SLC38A11: variants seen among roughly 807,000 people sequenced by gnomAD.
SLC38A11 encodes putative sodium-coupled neutral amino acid transporter 11.
A neutral mutation model predicts 49.4 loss-of-function variants in SLC38A11; 51 were observed. The ratio of observed to expected loss-of-function variants is 1.03; its 90% CI spans 0.83 to 1.30. The LOEUF (loss-of-function observed/expected upper bound fraction) is 1.30. Ranked by LOEUF, SLC38A11 falls within the 50% of genes most tolerant of loss-of-function variation. The pLI is 0.00. For synonymous variants in SLC38A11, 203 were observed against 192.9 expected, an observed-to-expected ratio of 1.05 and a Z score of -0.43; for missense variants, 574 against 556.2, an observed-to-expected ratio of 1.03 and a Z score of -0.32.
chr2:164,942,638 T>A (rs1260181758), intron 5 of SLC38A11, among the ~76,000 whole-genome samples: 2 of 152,182 alleles, frequency 1.3e-5, no homozygotes, highest in African/African-American at 4.8e-5. Context: ...ATAATTTAGA[T>A]TATATTCTGT....
Position 164,945,584 on chromosome 2 carries a change from T to C in SLC38A11, c.364+9A>G. 1 of 1,580,064 alleles carries C rather than the reference T, an allele frequency of 6.3e-7. No individual in the cohort carries two copies. Among genetic ancestry groups the C allele is most frequent in the Non-Finnish European group, 8.5e-7 (1 of 1,170,746 alleles). ...ATAATTGCAATATTTATCTTCACAG[T>C]CAACTTACCTATAAAAGGATACAAA... On this transcript the variant is annotated intron_variant, in intron 4 of 11. Transcript: ENST00000685975.
At chr2:164,918,558 A>G (rs1685960129) in intron 7 of SLC38A11, among the ~76,000 whole-genome samples, 1 of 152,164 alleles carries the variant, frequency 6.6e-6, no homozygotes, top group Non-Finnish European at 1.5e-5. Context: ...GAAATACTCT[A>G]CTTAAGGGAT....
chr2:164,940,017 C>T (rs576247410), intron 5 of SLC38A11, among the ~76,000 whole-genome samples: 72 of 141,334 alleles, frequency 5.1e-4, no homozygotes, highest in African/African-American at 1.6e-3. Flanking sequence ...TTTTTCTATA[C>T]GCAAGAGACT....
rs1574032616 is a variant in SLC38A11, at chr2:164,955,356, G to T, written c.-109C>A. 5 of 1,083,694 alleles carry T rather than the reference G, an allele frequency of 4.6e-6. No individual in the cohort carries two copies. In the East Asian group the frequency reaches 1.3e-4, roughly 29 times the overall value. The allele number at this position is 1,083,694 out of a possible 1,614,324, so 67.1% of individuals were successfully genotyped here. Reference sequence around the variant, plus strand: ...ACACAGCCGAGGTCCGCGTGTAGCCGCAGAGCTGCAGGGAGCCAGTTCCAC... The same window carrying T: ...ACACAGCCGAGGTCCGCGTGTAGCCTCAGAGCTGCAGGGAGCCAGTTCCAC... On this transcript the variant is annotated 5_prime_UTR_variant, in exon 1 of 12. Coordinates refer to ENST00000685975, the MANE Select transcript of SLC38A11 (RefSeq NM_001351537.2).
chr2:164,899,721 A>G (rs1364886397), intron 11 of SLC38A11, among the ~76,000 whole-genome samples: 2 of 152,150 alleles, frequency 1.3e-5, no homozygotes, highest in African/African-American at 2.4e-5. Flanking sequence ...GTCATAGAAT[A>G]CATACAGATA....
intron 10 of SLC38A11, among the ~76,000 whole-genome samples, chr2:164,910,240 C>A (rs1309305182): frequency 6.6e-6 from 1 of 152,042 alleles, no homozygotes; most frequent in Non-Finnish European, 1.5e-5. Context: ...AGAAAGGAAA[C>A]TCAAGTTTCA....
chr2:164,929,104 G>A (rs1367258957), intron 7 of SLC38A11, among the ~76,000 whole-genome samples: 1 of 152,068 alleles, frequency 6.6e-6, no homozygotes, highest in Non-Finnish European at 1.5e-5. Flanking sequence ...TAAGAGAAGG[G>A]CAGAGGAGGG....
In SLC38A11 at chr2:164,894,446, GA is replaced by G. The variant is rs986498293; in HGVS notation, c.*3990del. Among the ~76,000 whole-genome samples, 5 of 152,128 alleles carry G rather than the reference GA, an allele frequency of 3.3e-5. No homozygotes were observed. The highest frequency in any genetic ancestry group is 1.2e-4 in the African/African-American group (5 of 41,424). On this transcript the variant is annotated 3_prime_UTR_variant, in exon 12 of 12. Transcript: ENST00000685975. ...AGACAACCATGTAAATTCTTTATCT[GA>G]ATGACATTATCATTCATAACCCAGT...
intron 5 of SLC38A11, among the ~76,000 whole-genome samples, chr2:164,942,998 C>A (rs949379832): frequency 3.9e-5 from 6 of 152,166 alleles, no homozygotes; most frequent in African/African-American, 1.4e-4. Context: ...TTCCACTAAA[C>A]CCTGTGTGAG....
intron 3 of SLC38A11, among the ~76,000 whole-genome samples, chr2:164,950,348 A>T (rs1688439377): frequency 1.3e-5 from 2 of 152,190 alleles, no homozygotes; most frequent in African/African-American, 4.8e-5. Context: ...CTTGCTGAAG[A>T]AGGGTATGGT....
intron 4 of SLC38A11, among the ~76,000 whole-genome samples, chr2:164,944,868 A>AT (rs1391068777): frequency 1.3e-5 from 2 of 152,192 alleles, no homozygotes; most frequent in African/African-American, 4.8e-5. Context: ...TCATCTCAGA[A>AT]TACCTTTAAG....
intron 11 of SLC38A11, among the ~76,000 whole-genome samples, chr2:164,903,229 C>T (rs987050029): frequency 6.6e-6 from 1 of 152,002 alleles, no homozygotes; most frequent in African/African-American, 2.4e-5. Context: ...TTGTAGTCTT[C>T]TCTTTGTAGT....
At chr2:164,951,913 C>T (rs1183469689) in intron 3 of SLC38A11, among the ~76,000 whole-genome samples, 27 of 152,156 alleles carry the variant, frequency 1.8e-4, no homozygotes. Flanking sequence ...GTGTTTTGCA[C>T]TAGCTGGTAA....
At chr2:164,928,066 G>A (rs1214918277) in intron 7 of SLC38A11, among the ~76,000 whole-genome samples, 1 of 152,096 alleles carries the variant, frequency 6.6e-6, no homozygotes, top group Non-Finnish European at 1.5e-5. Flanking sequence ...TGTTCCTCTA[G>A]CTCCACTAAC....
chr2:164,920,297 AAAGG>A (rs1238707036), intron 7 of SLC38A11, among the ~76,000 whole-genome samples: 1 of 148,634 alleles, frequency 6.7e-6, no homozygotes, highest in Non-Finnish European at 1.5e-5. Flanking sequence ...AAAAAAAAAG[AAAGG>A]AAGGAAGAAA....
Position 164,935,684 on chromosome 2 carries a change from T to TA in SLC38A11, c.617+1665dup, listed in dbSNP as rs532641867. 2.8e-3 allele frequency among the ~76,000 whole-genome samples: 411 copies of TA among 147,640 alleles called. 1 individual carries two copies. The highest frequency in any genetic ancestry group is 0.021 in the Middle Eastern group (6 of 288). ...GGTGACAGAATGAGACCCTGTCTCT[T>TA]AAAAAAAAAAGTAAAAACAAAACAA... is the stretch of plus-strand genomic sequence containing the variant. On this transcript the variant is annotated intron_variant, in intron 7 of 11. Coordinates refer to ENST00000685975, the MANE Select transcript of SLC38A11 (RefSeq NM_001351537.2).
At chr2:164,939,993 GGTT>G (rs1241491838) in intron 5 of SLC38A11, among the ~76,000 whole-genome samples, 1 of 94,112 alleles carries the variant, frequency 1.1e-5, no homozygotes, top group Non-Finnish European at 2.1e-5. Context: ...CATTTTCTAA[GGTT>G]TTTTTTTTTT....
At chr2:164,924,733 A>ATTAT (rs1333148371) in intron 7 of SLC38A11, among the ~76,000 whole-genome samples, 2 of 151,624 alleles carry the variant, frequency 1.3e-5, no homozygotes, top group African/African-American at 2.4e-5. Context: ...TTTATTATTT[A>ATTAT]TTATTTATTT....
chr2:164,913,283 T>C (rs1251678207), intron 9 of SLC38A11, among the ~76,000 whole-genome samples: 2 of 151,990 alleles, frequency 1.3e-5, no homozygotes, highest in African/African-American at 4.8e-5. Context: ...ACTGAAAAGA[T>C]TCCAGCACTC....
Sources: allele counts gnomAD v4.1 joint callset (sites outside exome capture counted in the v4.1 genomes callset), GRCh38; gene constraint gnomAD v4.1.1; transcripts MANE v1.5; gene names NCBI Gene and HGNC (gene_info 2026-07-23, HGNC 2026-07-21).